The following ARHGAP26 variants were observed in gnomAD, a reference collection of about 807,000 sequenced individuals.
ARHGAP26 encodes the protein Rho GTPase activating protein 26.
In ARHGAP26, 38 loss-of-function variants were observed where a neutral mutation model predicts 104.8. That is an observed-to-expected ratio of 0.36 (90% CI 0.28 to 0.48). The LOEUF is 0.48. ARHGAP26 is among the 20% of genes least tolerant of loss of function. ARHGAP26 has a pLI of 0.99. For synonymous variants in ARHGAP26, 341 were observed against 340.0 expected (o/e 1.00, Z -0.03); for missense variants, 704 against 947.9 (o/e 0.74, Z 3.38).
At chr5:142,967,977 A>G (rs1771668484) in intron 11 of ARHGAP26, among the ~76,000 whole-genome samples, 1 of 152,182 alleles carries the variant, frequency 6.6e-6, no homozygotes. Flanking sequence ...AAACCCTTGG[A>G]TCAGGCTTGT....
At chr5:142,863,741 C>CT (rs762537689) in intron 1 of ARHGAP26, among the ~76,000 whole-genome samples, 1 of 151,956 alleles carries the variant, frequency 6.6e-6, no homozygotes, top group Admixed American at 6.6e-5. Context: ...AATGTAGACT[C>CT]TCGGGCTCCC....
intron 11 of ARHGAP26, among the ~76,000 whole-genome samples, chr5:142,980,381 A>ATTTTG (rs1313932526): frequency 6.7e-6 from 1 of 149,776 alleles, no homozygotes; most frequent in Non-Finnish European, 1.5e-5. Flanking sequence ...ATTTTATTTT[A>ATTTTG]TTTTATTTTA....
At chr5:142,905,365 C>T (rs1760957240) in intron 8 of ARHGAP26, among the ~76,000 whole-genome samples, 1 of 151,796 alleles carries the variant, frequency 6.6e-6, no homozygotes, top group South Asian at 2.1e-4. Context: ...CTAACACAGT[C>T]CAGAGCACAT....
In ARHGAP26 at chr5:142,990,972, C is replaced by G. The variant is rs139188845; in HGVS notation, c.1108-23108C>G. Among the ~76,000 whole-genome samples the G allele has an allele frequency of 1.1e-4, 16 of 152,268 alleles. No individual in the cohort carries two copies. In the East Asian group the frequency reaches 2.9e-3, roughly 28 times the overall value. On this transcript the variant is annotated intron_variant, in intron 11 of 22. Transcript: ENST00000645722. The stretch of plus-strand genomic sequence containing the variant: ...ATCTCAAACTCCGTGTTGGGAGAAC[C>G]ACTACTCTCTTCAAAGCTGTCAGAT...
At chr5:142,929,574 T>G (rs1764417640) in intron 10 of ARHGAP26, among the ~76,000 whole-genome samples, 1 of 152,128 alleles carries the variant, frequency 6.6e-6, no homozygotes, top group Non-Finnish European at 1.5e-5. Flanking sequence ...CTACCCCACT[T>G]CCCCTGTAAA....
chr5:142,998,825 C>T (rs866221287), intron 11 of ARHGAP26, among the ~76,000 whole-genome samples: 5 of 152,088 alleles, frequency 3.3e-5, no homozygotes, highest in South Asian at 4.1e-4. Flanking sequence ...CTGTGCAACA[C>T]GAGACGGTGA....
chr5:142,890,151 A>AAAAAAATAT (rs1252590997), intron 5 of ARHGAP26, among the ~76,000 whole-genome samples: 2 of 32,428 alleles, frequency 6.2e-5, no homozygotes, highest in East Asian at 1.4e-3. Flanking sequence ...AAAAAAAAAA[A>AAAAAAATAT]ATATATATAT....
At chr5:142,986,263 A>G (rs1258498376) in intron 11 of ARHGAP26, among the ~76,000 whole-genome samples, 1 of 152,106 alleles carries the variant, frequency 6.6e-6, no homozygotes, top group African/African-American at 2.4e-5. Flanking sequence ...GCCAGTGATG[A>G]TGAGCATTTT....
chr5:142,795,441 C>G (rs1760801301), intron 1 of ARHGAP26, among the ~76,000 whole-genome samples: 1 of 152,128 alleles, frequency 6.6e-6, no homozygotes, highest in Non-Finnish European at 1.5e-5. Flanking sequence ...TTGGTGCCTC[C>G]TTTTTCTCTG....
chr5:143,147,747 T>C (rs1799337326), intron 20 of ARHGAP26, among the ~76,000 whole-genome samples: 1 of 152,156 alleles, frequency 6.6e-6, no homozygotes, highest in Non-Finnish European at 1.5e-5. Flanking sequence ...CACTCATCTA[T>C]GTTGTCTCGG....
chr5:143,201,052 C>G (rs1161959181), intron 20 of ARHGAP26, among the ~76,000 whole-genome samples: 1 of 152,230 alleles, frequency 6.6e-6, no homozygotes, highest in Non-Finnish European at 1.5e-5. Flanking sequence ...TCTTCCTAAA[C>G]CGTTATTCTT....
chr5:143,214,014 CA>C lies in ARHGAP26; in HGVS notation c.2121del (p.Ala708ProfsTer37). The C allele has an allele frequency of 6.3e-7, 1 of 1,593,348 alleles. No homozygotes were observed. Among genetic ancestry groups the C allele is most frequent in the Non-Finnish European group, 8.6e-7 (1 of 1,165,746 alleles). On this transcript the variant is annotated frameshift_variant, in exon 22 of 23. Coordinates refer to ENST00000645722, the MANE Select transcript of ARHGAP26 (RefSeq NM_001135608.3). LOFTEE classifies it high-confidence loss of function. ...TCACACAGCACACCGTTCCGGAAGG[CA>C]AAAGCCTTGTATGCCTGCAAAGCTG... The part of the protein sequence containing the change: ...SSPVSTPFRK[A>X]KALYACKAEH...
intron 20 of ARHGAP26, among the ~76,000 whole-genome samples, chr5:143,181,313 C>G (rs528200259): frequency 4.3e-4 from 66 of 152,360 alleles, no homozygotes; most frequent in Non-Finnish European, 8.1e-4. Flanking sequence ...TCTGTTTACA[C>G]TCTTTACTTT....
intron 12 of ARHGAP26, among the ~76,000 whole-genome samples, chr5:143,019,297 C>A (rs1372865580): frequency 1.4e-4 from 21 of 151,980 alleles, no homozygotes; most frequent in Admixed American, 1.4e-3. Flanking sequence ...TGGTCACTGC[C>A]AGTGTCAGTC....
At chr5:142,994,738 T>C (rs1003057759) in intron 11 of ARHGAP26, among the ~76,000 whole-genome samples, 2 of 152,218 alleles carry the variant, frequency 1.3e-5, no homozygotes, top group Admixed American at 6.5e-5. Context: ...ATAATGATTA[T>C]TGGCTGCTGT....
chr5:142,823,238 C>T (rs1766551293), intron 1 of ARHGAP26, among the ~76,000 whole-genome samples: 1 of 152,154 alleles, frequency 6.6e-6, no homozygotes, highest in Non-Finnish European at 1.5e-5. Flanking sequence ...ATTTAATTCT[C>T]TTCAGGTAAG....
At chr5:142,929,042 A>G (rs1395653388) in intron 10 of ARHGAP26, among the ~76,000 whole-genome samples, 1 of 151,966 alleles carries the variant, frequency 6.6e-6, no homozygotes, top group Non-Finnish European at 1.5e-5. Context: ...GGTTCAAGCG[A>G]TTTTCCTGCG....
intron 11 of ARHGAP26, among the ~76,000 whole-genome samples, chr5:142,989,885 C>T (rs886356719): frequency 1.3e-4 from 20 of 152,078 alleles, no homozygotes; most frequent in Admixed American, 6.5e-5. Flanking sequence ...CTGCCCTTAG[C>T]ATTTTTTCCT....
Position 143,225,367 on chromosome 5 carries a change from T to C in ARHGAP26, c.*2921T>C, listed in dbSNP as rs1811571293. The C allele has an allele frequency of 5.5e-6, 1 of 183,312 alleles. No homozygotes were observed. The highest frequency in any genetic ancestry group is 2.4e-5 in the African/African-American group (1 of 42,514). The allele number at this position is 183,312 out of a possible 1,614,324, so 11.4% of individuals were successfully genotyped here. The stretch of plus-strand genomic sequence containing the variant: ...CACACCCAGCTAGTTTTTTGTATTT[T>C]TAGTAAAGATGGGGTTTTGCCATGT... On this transcript the variant is annotated 3_prime_UTR_variant, in exon 23 of 23. Coordinates refer to ENST00000645722, the MANE Select transcript of ARHGAP26 (RefSeq NM_001135608.3).
Sources: gnomAD v4.1 joint callset for allele counts (sites outside exome capture counted in the v4.1 genomes callset) on GRCh38, gnomAD v4.1.1 for gene constraint, MANE v1.5 for transcripts, NCBI Gene and HGNC (gene_info 2026-07-23, HGNC 2026-07-21) for gene names.